The following CEP63 variants were observed in gnomAD, a reference collection of about 807,000 sequenced individuals.
The protein encoded by CEP63 is centrosomal protein 63.
A neutral mutation model predicts 89.1 loss-of-function variants in CEP63; 84 were observed. The observed-to-expected ratio is 0.94, with a 90% CI of 0.79 to 1.13. The LOEUF (loss-of-function observed/expected upper bound fraction) is 1.13, where lower values mean the gene tolerates loss of function less well. Among genes scored for constraint, CEP63 ranks in the 50% most tolerant of loss-of-function variants. CEP63 has a pLI of 0.00. For synonymous variants in CEP63, 267 were observed against 272.5 expected (o/e 0.98, Z 0.20); for missense variants, 838 against 813.3 (o/e 1.03, Z -0.37).
rs891792527 is a variant in CEP63 at position 134,533,843 on chromosome 3, A to G, written c.441+943A>G. ...TGTCACCCACAAATGCCAGTATATT[A>G]TTATTACTTAAAATTATAATTTCTG... is the stretch of plus-strand genomic sequence containing the variant. On this transcript the variant is annotated intron_variant, in intron 5 of 14. Coordinates refer to ENST00000675561, the MANE Select transcript of CEP63 (RefSeq NM_001353108.3). Among the ~76,000 whole-genome samples the G allele has an allele frequency of 9.8e-5, 15 of 152,302 alleles. 1 individual carries two copies. Among genetic ancestry groups the G allele is most frequent in the Admixed American group, 5.9e-4 (9 of 15,294 alleles).
chr3:134,745,473 T>C, the CEP63 span, among the ~76,000 whole-genome samples: 1 of 152,238 alleles, frequency 6.6e-6, no homozygotes, highest in Admixed American at 6.5e-5. Flanking sequence ...AAGATACTTT[T>C]ACTCATCCAG....
At chr3:134,757,084 T>C in the CEP63 span, among the ~76,000 whole-genome samples, 1 of 152,186 alleles carries the variant, frequency 6.6e-6, no homozygotes, top group African/African-American at 2.4e-5. Flanking sequence ...CCCATGGAGA[T>C]ATCAAGCAAG....
chr3:134,533,498 CT>C (rs1200327969), intron 5 of CEP63, among the ~76,000 whole-genome samples: 1 of 152,186 alleles, frequency 6.6e-6, no homozygotes, highest in South Asian at 2.1e-4. Context: ...TCTCTGCTGA[CT>C]TTGTTTTTAT....
chr3:134,614,036 A>C, the CEP63 span, among the ~76,000 whole-genome samples: 1 of 152,232 alleles, frequency 6.6e-6, no homozygotes, highest in African/African-American at 2.4e-5. Context: ...AATAAGGCTC[A>C]GTGGCTGCCC....
At chr3:134,610,257 G>A in the CEP63 span, 1 of 1,613,960 alleles carries the variant, frequency 6.2e-7, no homozygotes, top group Non-Finnish European at 8.5e-7. Context: ...TGTCCACCAG[G>A]TGCCATCTTC....
intron 6 of CEP63, among the ~76,000 whole-genome samples, chr3:134,539,836 A>G (rs1951637609): frequency 6.6e-6 from 1 of 152,206 alleles, no homozygotes; most frequent in Non-Finnish European, 1.5e-5. Flanking sequence ...ATACATGCTT[A>G]TTTTAGAAAA....
At chr3:134,728,858 A>T in the CEP63 span, among the ~76,000 whole-genome samples, 2 of 152,222 alleles carry the variant, frequency 1.3e-5, no homozygotes, top group Non-Finnish European at 2.9e-5. Flanking sequence ...CTTTCCTTTA[A>T]CTTGCAGAAT....
downstream of CEP63, among the ~76,000 whole-genome samples, chr3:134,575,472 TCTCCCTCC>T (rs1306746763): frequency 8.5e-6 from 1 of 117,724 alleles, no homozygotes; most frequent in Non-Finnish European, 1.8e-5. Flanking sequence ...TGGCCCTCTT[TCTCCCTCC>T]CTCCCTCCCT....
At chr3:134,641,890 T>G in the CEP63 span, among the ~76,000 whole-genome samples, 2 of 152,188 alleles carry the variant, frequency 1.3e-5, no homozygotes, top group Non-Finnish European at 2.9e-5. Flanking sequence ...CTAAGTGAGG[T>G]AAGTGGTGCT....
chr3:134,751,674 G>T, the CEP63 span, among the ~76,000 whole-genome samples: 1 of 152,134 alleles, frequency 6.6e-6, no homozygotes, highest in South Asian at 2.1e-4. Context: ...GTGGCTGGGG[G>T]AAGGGGTAGG....
the CEP63 span, chr3:134,606,998 G>T: frequency 1.0e-6 from 1 of 982,812 alleles, no homozygotes; most frequent in Non-Finnish European, 1.2e-6. Context: ...CTGTACATAA[G>T]TATCAGATAT....
intron 11 of CEP63, among the ~76,000 whole-genome samples, chr3:134,573,032 A>G (rs1211979906): frequency 2.0e-5 from 3 of 152,010 alleles, no homozygotes; most frequent in Admixed American, 6.5e-5. Flanking sequence ...ATTTTTTCAT[A>G]TATTTGTTGA....
chr3:134,750,622 A>G, the CEP63 span, among the ~76,000 whole-genome samples: 5 of 152,154 alleles, frequency 3.3e-5, no homozygotes, highest in East Asian at 9.7e-4. Context: ...CTCCCCTTGG[A>G]GACAGGTGGG....
chr3:134,541,701 T>C (rs1952048586), intron 6 of CEP63, among the ~76,000 whole-genome samples: 1 of 151,426 alleles, frequency 6.6e-6, no homozygotes, highest in Non-Finnish European at 1.5e-5. Flanking sequence ...TTAGTAGAGA[T>C]GGGGTTTTAC....
chr3:134,702,200 CA>C, the CEP63 span, among the ~76,000 whole-genome samples: 3 of 151,856 alleles, frequency 2.0e-5, no homozygotes, highest in East Asian at 3.9e-4. Flanking sequence ...AACCACTGCT[CA>C]AAAAAATCAG....
chr3:134,695,296 A>G, the CEP63 span, among the ~76,000 whole-genome samples: 1 of 152,200 alleles, frequency 6.6e-6, no homozygotes. Context: ...TTCCTTTGAA[A>G]CCAAATGTTC....
downstream of CEP63, among the ~76,000 whole-genome samples, chr3:134,566,818 G>A (rs1018305769): frequency 1.3e-5 from 2 of 152,190 alleles, no homozygotes; most frequent in Non-Finnish European, 2.9e-5. Context: ...ACACTCATAT[G>A]TTGCTGATGG....
At chr3:134,645,466 G>C in the CEP63 span, among the ~76,000 whole-genome samples, 1 of 152,210 alleles carries the variant, frequency 6.6e-6, no homozygotes, top group Non-Finnish European at 1.5e-5. Flanking sequence ...TGGGCGGCCT[G>C]CTGGTTACCA....
At chr3:134,553,328 A>C (rs912437521) in intron 12 of CEP63, 2 of 152,180 alleles carry the variant, frequency 1.3e-5, no homozygotes, top group African/African-American at 2.4e-5. Context: ...TCATGACGCC[A>C]TAGAGGATTT....
Sources: gnomAD v4.1 joint callset for allele counts (sites outside exome capture counted in the v4.1 genomes callset) on GRCh38, gnomAD v4.1.1 for gene constraint, MANE v1.5 for transcripts, NCBI Gene and HGNC (gene_info 2026-07-23, HGNC 2026-07-21) for gene names.